The following ARHGAP15 variants were observed in gnomAD, a reference collection of about 807,000 sequenced individuals.
ARHGAP15 encodes Rho GTPase activating protein 15.
Under a neutral mutation model 63.7 loss-of-function variants are expected in ARHGAP15, and 51 were observed. The ratio of observed to expected loss-of-function variants is 0.80; its 90% CI spans 0.64 to 1.01. The LOEUF (loss-of-function observed/expected upper bound fraction) is 1.01. Ranked by LOEUF, ARHGAP15 falls within the 50% of genes least tolerant of loss-of-function variation. The pLI, the probability that ARHGAP15 is intolerant of heterozygous loss-of-function variation, is 0.00. For missense variants in ARHGAP15, 560 were observed against 564.6 expected (o/e 0.99, Z 0.08); for synonymous variants, 191 against 193.8 (o/e 0.99, Z 0.12).
intron 11 of ARHGAP15, among the ~76,000 whole-genome samples, chr2:143,582,257 AG>A (rs1275786700): frequency 2.0e-5 from 3 of 152,172 alleles, no homozygotes; most frequent in African/African-American, 7.2e-5. Flanking sequence ...ATTTGAGGGT[AG>A]TAGGTTAGAA....
chr2:143,186,899 A>T (rs1691471091), intron 2 of ARHGAP15, among the ~76,000 whole-genome samples: 1 of 152,226 alleles, frequency 6.6e-6, no homozygotes, highest in African/African-American at 2.4e-5. Flanking sequence ...ATTTTTAAAA[A>T]ATTAATCCTA....
chr2:143,392,194 ATACT>A (rs1438158207), intron 6 of ARHGAP15, among the ~76,000 whole-genome samples: 2 of 152,206 alleles, frequency 1.3e-5, no homozygotes, highest in Non-Finnish European at 2.9e-5. Flanking sequence ...ACTTTTCCAA[ATACT>A]TACTACTTTT....
intron 6 of ARHGAP15, among the ~76,000 whole-genome samples, chr2:143,416,821 AC>A (rs371665397): frequency 2.7e-5 from 2 of 73,892 alleles, no homozygotes; most frequent in South Asian, 5.9e-4. Flanking sequence ...TTCCCCCACC[AC>A]CCCCCCACCC....
intron 8 of ARHGAP15, among the ~76,000 whole-genome samples, chr2:143,467,016 C>T (rs1315798648): frequency 6.6e-6 from 1 of 152,006 alleles, no homozygotes; most frequent in Non-Finnish European, 1.5e-5. Flanking sequence ...AAAGGAAAAA[C>T]GTCTTTAATT....
At chr2:143,358,620 A>G (rs1558918079) in intron 6 of ARHGAP15, among the ~76,000 whole-genome samples, 2 of 151,542 alleles carry the variant, frequency 1.3e-5, no homozygotes, top group South Asian at 4.2e-4. Flanking sequence ...AATATTTCAT[A>G]CATGTCTATA....
Position 143,743,352 on chromosome 2 carries a change from C to T in ARHGAP15, c.1245-24637C>T, listed in dbSNP as rs142396391. Among the ~76,000 whole-genome samples the T allele has an allele frequency of 2.0e-3, 312 of 152,238 alleles. 1 individual carries two copies. The highest frequency in any genetic ancestry group is 7.1e-3 in the African/African-American group (295 of 41,544). ...ACACATTAGCTCCTTTAGAAGGGGG[C>T]TTCCCAGACAGTCATTAAGGTGTAG... On this transcript the variant is annotated intron_variant, in intron 13 of 13. Coordinates refer to ENST00000295095, the MANE Select transcript of ARHGAP15 (RefSeq NM_018460.4).
chr2:143,500,733 T>A (rs1693019778), intron 9 of ARHGAP15, among the ~76,000 whole-genome samples: 2 of 152,230 alleles, frequency 1.3e-5, no homozygotes, highest in Admixed American at 1.3e-4. Flanking sequence ...AGCCGTTGAA[T>A]CATGCTTTTG....
chr2:143,437,801 G>A (rs1294320254), intron 8 of ARHGAP15, among the ~76,000 whole-genome samples: 1 of 152,114 alleles, frequency 6.6e-6, no homozygotes, highest in Non-Finnish European at 1.5e-5. Context: ...TGAGGTGGGT[G>A]GATCACGAGG....
chr2:143,744,225 G>T (rs915260138), intron 13 of ARHGAP15, among the ~76,000 whole-genome samples: 5 of 152,192 alleles, frequency 3.3e-5, no homozygotes, highest in African/African-American at 1.2e-4. Context: ...AATACAAAAG[G>T]AGAGACTTGG....
At chr2:143,705,574 G>A (rs1023294734) in intron 13 of ARHGAP15, among the ~76,000 whole-genome samples, 4 of 152,078 alleles carry the variant, frequency 2.6e-5, no homozygotes, top group South Asian at 2.1e-4. Flanking sequence ...CCATGAAAGC[G>A]GTTTCAAGTT....
At chr2:143,582,043 C>T (rs777636471) in intron 11 of ARHGAP15, among the ~76,000 whole-genome samples, 1 of 152,162 alleles carries the variant, frequency 6.6e-6, no homozygotes, top group East Asian at 1.9e-4. Context: ...GGCTGAGCAG[C>T]CCCATTGGAG....
chr2:143,549,310 T>C (rs1011226395), intron 10 of ARHGAP15, among the ~76,000 whole-genome samples: 11 of 152,158 alleles, frequency 7.2e-5, no homozygotes, highest in Middle Eastern at 3.4e-3. Flanking sequence ...AATATGTGTT[T>C]TAAAAACAAA....
chr2:143,488,409 T>A (rs1381198683), intron 9 of ARHGAP15, among the ~76,000 whole-genome samples: 6 of 152,202 alleles, frequency 3.9e-5, no homozygotes, highest in Admixed American at 3.9e-4. Flanking sequence ...TAACTGGAAA[T>A]TATCTTACAG....
intron 12 of ARHGAP15, among the ~76,000 whole-genome samples, chr2:143,646,601 A>G (rs938214741): frequency 6.6e-6 from 1 of 152,044 alleles, no homozygotes; most frequent in African/African-American, 2.4e-5. Context: ...GATGATTTAC[A>G]TGTAACATTT....
chr2:143,307,431 A>G (rs1041642352), intron 6 of ARHGAP15, among the ~76,000 whole-genome samples: 1 of 152,128 alleles, frequency 6.6e-6, no homozygotes, highest in Non-Finnish European at 1.5e-5. Context: ...TTTCAACTAA[A>G]TAAAGGGCAT....
intron 13 of ARHGAP15, among the ~76,000 whole-genome samples, chr2:143,767,644 C>G (rs1271550466): frequency 1.3e-5 from 2 of 151,954 alleles, no homozygotes; most frequent in African/African-American, 4.8e-5. Context: ...TTTTTGCATG[C>G]CTCTCACCTG....
At chr2:143,527,329 C>A (rs1426254618) in intron 10 of ARHGAP15, among the ~76,000 whole-genome samples, 2 of 151,952 alleles carry the variant, frequency 1.3e-5, no homozygotes. Context: ...CTTAGAGATT[C>A]CTCTAAATTC....
chr2:143,541,184 G>A (rs1401740582), intron 10 of ARHGAP15, among the ~76,000 whole-genome samples: 1 of 152,170 alleles, frequency 6.6e-6, no homozygotes, highest in Non-Finnish European at 1.5e-5. Context: ...ACTGAGGCTT[G>A]TGTATTCATC....
At chr2:143,456,484 A>G (rs1415075626) in intron 8 of ARHGAP15, among the ~76,000 whole-genome samples, 1 of 152,098 alleles carries the variant, frequency 6.6e-6, no homozygotes, top group East Asian at 1.9e-4. Flanking sequence ...CATAAAGTGA[A>G]AGCATTTCCC....
Sources: allele counts gnomAD v4.1 joint callset (sites outside exome capture counted in the v4.1 genomes callset), GRCh38; gene constraint gnomAD v4.1.1; transcripts MANE v1.5; gene names NCBI Gene and HGNC (gene_info 2026-07-23, HGNC 2026-07-21).